Variants in OPCML observed in about 807,000 individuals in gnomAD.
OPCML encodes the protein opioid-binding protein/cell adhesion molecule.
In OPCML, 13 loss-of-function variants were observed where a neutral mutation model predicts 37.8. The ratio of observed to expected loss-of-function variants is 0.34; its 90% CI spans 0.22 to 0.55. OPCML has a LOEUF of 0.55. Among genes scored for constraint, OPCML ranks in the 20% least tolerant of loss-of-function variants. The pLI, the probability that OPCML is intolerant of heterozygous loss-of-function variation, is 0.91. For missense variants in OPCML, 341 were observed against 435.6 expected (o/e 0.78, Z 1.93); for synonymous variants, 176 against 168.8 (o/e 1.04, Z -0.33).
intron 1 of OPCML, chr11:133,439,297 T>G (rs1485984919): frequency 4.1e-5 from 40 of 982,706 alleles, no homozygotes; most frequent in South Asian, 3.8e-4. Flanking sequence ...AAGATGTTTT[T>G]TTTTTTTTTT....
At position 133,110,261 on chromosome 11, in the gene OPCML, C is replaced by A. The variant is rs538960210; in HGVS notation, c.62-167251G>T. On this transcript the variant is annotated intron_variant, in intron 1 of 7. Coordinates refer to ENST00000524381, the MANE Select transcript of OPCML (RefSeq NM_001012393.5). The stretch of plus-strand genomic sequence containing the variant: ...TACATATTGTCCACAGAGTAACCAC[C>A]TTAGAATAATAAGTGCTCTTAATAG... Among the ~76,000 whole-genome samples, 11 of 152,202 alleles carry A rather than the reference C, an allele frequency of 7.2e-5. No individual in the cohort carries two copies. The East Asian group carries it at 2.1e-3, about 29-fold the overall frequency.
rs542665564 is a variant in OPCML at position 132,882,813 on chromosome 11, A to G, written c.146+60113T>C. On this transcript the variant is annotated intron_variant, in intron 2 of 7. Transcript: ENST00000524381. ...GTAGAAATGTAAGATTGCATAGGCC[A>G]TAAGAGGTTTCCAAGAGGAGAAAAT... is the stretch of plus-strand genomic sequence containing the variant. 1.6e-4 allele frequency among the ~76,000 whole-genome samples: 25 copies of G among 152,322 alleles called. No individual in the cohort carries two copies. In the East Asian group the frequency reaches 4.8e-3, roughly 29 times the overall value.
intron 3 of OPCML, among the ~76,000 whole-genome samples, chr11:132,623,375 C>A (rs146111220): frequency 2.6e-4 from 39 of 150,900 alleles, no homozygotes; most frequent in African/African-American, 9.5e-4. Flanking sequence ...AAAACAACAA[C>A]AAAAAAACAG....
intron 1 of OPCML, among the ~76,000 whole-genome samples, chr11:133,122,657 CT>C (rs1423265394): frequency 6.6e-6 from 1 of 152,112 alleles, no homozygotes; most frequent in African/African-American, 2.4e-5. Flanking sequence ...TATACTTCCC[CT>C]CCCTATACCT....
chr11:133,341,349 G>T (rs896081268), intron 1 of OPCML, among the ~76,000 whole-genome samples: 1 of 152,184 alleles, frequency 6.6e-6, no homozygotes, highest in Non-Finnish European at 1.5e-5. Context: ...CAAATGAGGT[G>T]CCTCGACCAG....
intron 1 of OPCML, among the ~76,000 whole-genome samples, chr11:133,295,845 G>C (rs1214787909): frequency 6.6e-6 from 1 of 152,168 alleles, no homozygotes; most frequent in Non-Finnish European, 1.5e-5. Flanking sequence ...GAAAAAGCCA[G>C]TTTTTTGTCC....
intron 1 of OPCML, among the ~76,000 whole-genome samples, chr11:133,032,801 A>T (rs1223635151): frequency 6.6e-6 from 1 of 152,090 alleles, no homozygotes; most frequent in Non-Finnish European, 1.5e-5. Context: ...GTACAACTCA[A>T]AGACTCTAAT....
chr11:132,753,177 C>T (rs2136074609), intron 2 of OPCML, among the ~76,000 whole-genome samples: 1 of 152,240 alleles, frequency 6.6e-6, no homozygotes, highest in African/African-American at 2.4e-5. Context: ...CTCACAGAGG[C>T]CATACTCCTT....
chr11:132,873,171 T>C (rs533405507), intron 2 of OPCML, among the ~76,000 whole-genome samples: 2 of 152,316 alleles, frequency 1.3e-5, no homozygotes, highest in African/African-American at 4.8e-5. Flanking sequence ...AGTCAACCAA[T>C]AGATCTCCTC....
chr11:132,915,277 G>A (rs1944567723), intron 2 of OPCML, among the ~76,000 whole-genome samples: 1 of 152,156 alleles, frequency 6.6e-6, no homozygotes, highest in South Asian at 2.1e-4. Flanking sequence ...CATGTCATAT[G>A]TACTGTGGCA....
intron 1 of OPCML, among the ~76,000 whole-genome samples, chr11:133,201,270 C>T (rs2136319808): frequency 6.7e-6 from 1 of 150,318 alleles, no homozygotes; most frequent in African/African-American, 2.5e-5. Flanking sequence ...ACACGTACTC[C>T]TGGAAATTAA....
At chr11:132,770,076 G>A (rs1946587739) in intron 2 of OPCML, among the ~76,000 whole-genome samples, 1 of 152,020 alleles carries the variant, frequency 6.6e-6, no homozygotes, top group African/African-American at 2.4e-5. Context: ...TTTCATATAG[G>A]GAGGTATTAT....
At chr11:132,932,217 T>A (rs1286927331) in intron 2 of OPCML, among the ~76,000 whole-genome samples, 1 of 152,160 alleles carries the variant, frequency 6.6e-6, no homozygotes, top group Admixed American at 6.6e-5. Flanking sequence ...AGAAATAAGT[T>A]CTGGAGAGGG....
chr11:132,697,336 T>G (rs2135909790), intron 2 of OPCML, among the ~76,000 whole-genome samples: 1 of 152,300 alleles, frequency 6.6e-6, no homozygotes, highest in Non-Finnish European at 1.5e-5. Flanking sequence ...TGCGATACAC[T>G]ATTATTAACT....
intron 3 of OPCML, among the ~76,000 whole-genome samples, chr11:132,636,662 A>T (rs1206660920): frequency 6.6e-6 from 1 of 152,206 alleles, no homozygotes; most frequent in African/African-American, 2.4e-5. Context: ...AAAATCTCTG[A>T]ATAATTTTCT....
At chr11:132,518,940 A>G (rs955693222) in intron 4 of OPCML, among the ~76,000 whole-genome samples, 1 of 152,184 alleles carries the variant, frequency 6.6e-6, no homozygotes, top group Non-Finnish European at 1.5e-5. Flanking sequence ...TTCCAATTTT[A>G]CATTTAAGTT....
chr11:132,472,842 T>C (rs550525484), intron 4 of OPCML, among the ~76,000 whole-genome samples: 36 of 152,346 alleles, frequency 2.4e-4, no homozygotes, highest in African/African-American at 7.2e-4. Flanking sequence ...TACCTCACAG[T>C]GCTGCGCTGA....
At chr11:132,616,727 A>G (rs1405508512) in intron 3 of OPCML, among the ~76,000 whole-genome samples, 1 of 152,182 alleles carries the variant, frequency 6.6e-6, no homozygotes, top group Non-Finnish European at 1.5e-5. Context: ...ATTCAAGGAG[A>G]ATTTGTTGAG....
At chr11:132,602,608 TCC>T (rs1937999253) in intron 3 of OPCML, among the ~76,000 whole-genome samples, 1 of 152,106 alleles carries the variant, frequency 6.6e-6, no homozygotes, top group African/African-American at 2.4e-5. Context: ...TTGCGTGGGG[TCC>T]CCAATGTTGC....
Sources: allele counts gnomAD v4.1 joint callset (sites outside exome capture counted in the v4.1 genomes callset), GRCh38; gene constraint gnomAD v4.1.1; transcripts MANE v1.5; gene names NCBI Gene and HGNC (gene_info 2026-07-23, HGNC 2026-07-21).